The following BRD10 variants were observed in gnomAD, a reference collection of about 807,000 sequenced individuals.
BRD10 encodes uncharacterized bromodomain-containing protein 10.
chr9:5,921,498 C>A, the BRD10 span: 4 of 1,613,904 alleles, frequency 2.5e-6, no homozygotes, highest in South Asian at 4.4e-5. Context: ...GCAGAAACAC[C>A]TGTAGATGTC....
At chr9:5,977,708 G>A in the BRD10 span, among the ~76,000 whole-genome samples, 3 of 152,172 alleles carry the variant, frequency 2.0e-5, no homozygotes, top group African/African-American at 2.4e-5. Flanking sequence ...GGTGGCAAGC[G>A]CCTGTAGTCC....
At chr9:5,984,760 A>G in the BRD10 span, among the ~76,000 whole-genome samples, 1 of 152,156 alleles carries the variant, frequency 6.6e-6, no homozygotes, top group East Asian at 1.9e-4. Flanking sequence ...TATGTAGGGA[A>G]AAAGGTAACC....
the BRD10 span, chr9:5,907,266 C>CT: frequency 8.6e-6 from 2 of 231,590 alleles, no homozygotes; most frequent in African/African-American, 4.5e-5. Flanking sequence ...AATGAGAGCC[C>CT]TACATGTAAG....
chr9:5,984,689 A>C, the BRD10 span, among the ~76,000 whole-genome samples: 2 of 152,190 alleles, frequency 1.3e-5, no homozygotes, highest in African/African-American at 4.8e-5. Context: ...TAGATATATT[A>C]GCAATAAATA....
the BRD10 span, among the ~76,000 whole-genome samples, chr9:5,903,773 T>C: frequency 1.3e-5 from 2 of 152,240 alleles, no homozygotes; most frequent in Non-Finnish European, 2.9e-5. Context: ...CCCTGATAAC[T>C]TTCCTTGAAA....
the BRD10 span, chr9:6,008,190 G>T: frequency 3.1e-6 from 3 of 972,498 alleles, no homozygotes; most frequent in South Asian, 1.4e-4. Context: ...GGGCGAGGAG[G>T]AAGGGGGTTC....
chr9:5,959,224 C>A, the BRD10 span, among the ~76,000 whole-genome samples: 1 of 152,068 alleles, frequency 6.6e-6, no homozygotes, highest in Non-Finnish European at 1.5e-5. Flanking sequence ...AGAATTGTCT[C>A]GTTATAGTTA....
chr9:5,954,397 C>T, the BRD10 span, among the ~76,000 whole-genome samples: 2 of 152,172 alleles, frequency 1.3e-5, no homozygotes, highest in Admixed American at 1.3e-4. Flanking sequence ...ATTACTACTG[C>T]TTAATTAAAA....
chr9:5,930,540 T>G, the BRD10 span, among the ~76,000 whole-genome samples: 1 of 152,044 alleles, frequency 6.6e-6, no homozygotes, highest in Non-Finnish European at 1.5e-5. Flanking sequence ...GGTTTTTATA[T>G]CTTAGAAGAG....
chr9:6,005,298 G>C, the BRD10 span, among the ~76,000 whole-genome samples: 2 of 151,654 alleles, frequency 1.3e-5, no homozygotes, highest in African/African-American at 4.8e-5. Context: ...ATCACCTGAG[G>C]TCAGGAGCTT....
the BRD10 span, chr9:5,908,748 C>T: frequency 6.3e-7 from 1 of 1,575,206 alleles, no homozygotes; most frequent in Non-Finnish European, 8.7e-7. Context: ...AATTATTTCT[C>T]TCACACTTTT....
chr9:5,969,152 C>T, the BRD10 span: 46 of 1,613,718 alleles, frequency 2.9e-5, no homozygotes, highest in Admixed American at 5.0e-5. Context: ...AGTAGGTCTT[C>T]GATGTAAGGT....
chr9:5,926,741 C>T, the BRD10 span, among the ~76,000 whole-genome samples: 1 of 152,108 alleles, frequency 6.6e-6, no homozygotes, highest in Admixed American at 6.5e-5. Context: ...TCATGTTAGC[C>T]AGGATGGTCT....
chr9:5,902,145 TTC>T, the BRD10 span, among the ~76,000 whole-genome samples: 1 of 152,190 alleles, frequency 6.6e-6, no homozygotes, highest in Non-Finnish European at 1.5e-5. Context: ...GTCTGGTGCT[TTC>T]TGTTTTGGAA....
the BRD10 span, chr9:5,910,679 G>A: frequency 6.6e-6 from 1 of 152,210 alleles, no homozygotes; most frequent in Admixed American, 6.5e-5. Flanking sequence ...CAGTGTCCCA[G>A]GTGATGGACA....
the BRD10 span, among the ~76,000 whole-genome samples, chr9:6,005,823 A>G: frequency 6.6e-6 from 1 of 152,254 alleles, no homozygotes; most frequent in Non-Finnish European, 1.5e-5. Context: ...CTAAAGTATT[A>G]AAAGTAATTT....
the BRD10 span, chr9:5,897,951 C>T: frequency 6.7e-6 from 2 of 297,480 alleles, no homozygotes; most frequent in East Asian, 1.3e-4. Flanking sequence ...AGGCTGGGAA[C>T]TCCAAGATCT....
chr9:5,970,273 A>G, the BRD10 span, among the ~76,000 whole-genome samples: 1 of 152,206 alleles, frequency 6.6e-6, no homozygotes, highest in Non-Finnish European at 1.5e-5. Context: ...TTAAAAATTA[A>G]AATTATTAAT....
At chr9:5,936,009 T>C in the BRD10 span, among the ~76,000 whole-genome samples, 1 of 152,234 alleles carries the variant, frequency 6.6e-6, no homozygotes, top group African/African-American at 2.4e-5. Flanking sequence ...ATTTTGTTAG[T>C]TTTAAACTCC....
Sources: allele counts gnomAD v4.1 joint callset (sites outside exome capture counted in the v4.1 genomes callset), GRCh38; gene constraint gnomAD v4.1.1; transcripts MANE v1.5; gene names NCBI Gene and HGNC (gene_info 2026-07-23, HGNC 2026-07-21).